Variants in SHTN1 observed in about 807,000 individuals in gnomAD.
SHTN1 encodes the protein shootin-1.
SHTN1 carries 42 observed loss-of-function variants against 83.1 expected under a neutral mutation model. The observed-to-expected ratio is 0.51, with a 90% CI of 0.39 to 0.65. The LOEUF is 0.65. Ranked by LOEUF, SHTN1 falls within the 30% of genes least tolerant of loss-of-function variation. The probability of loss-of-function intolerance (pLI) is 0.00; values close to 1 mark genes in which losing one functional copy is unlikely to be tolerated. For synonymous variants in SHTN1, 224 were observed against 247.7 expected (o/e 0.90, Z 0.90); for missense variants, 622 against 737.8 (o/e 0.84, Z 1.82).
intron 1 of SHTN1, among the ~76,000 whole-genome samples, chr10:117,097,016 C>CACACACATAG (rs1484839164): frequency 1.4e-5 from 2 of 138,370 alleles, no homozygotes; most frequent in African/African-American, 5.4e-5. Flanking sequence ...CGCGCGCGCA[C>CACACACATAG]ACACACACAC....
chr10:116,929,840 T>C lies in SHTN1; in HGVS notation c.1012+9A>G. 6.3e-7 allele frequency: 1 copy of C among 1,589,696 alleles called. No homozygotes were observed. The highest frequency in any genetic ancestry group is 8.6e-7 in the Non-Finnish European group (1 of 1,169,386). On this transcript the variant is annotated intron_variant, in intron 10 of 16. Coordinates refer to ENST00000355371, the MANE Select transcript of SHTN1 (RefSeq NM_001127211.3). ...TAGTAAGACATAGTAGCCTACTCAATGCTTTTACCAGAGTGCTTTAAATTT... is the reference window on the plus strand; with the variant it reads ...TAGTAAGACATAGTAGCCTACTCAACGCTTTTACCAGAGTGCTTTAAATTT...
intron 3 of SHTN1, among the ~76,000 whole-genome samples, chr10:116,964,403 T>C (rs938111396): frequency 1.3e-5 from 2 of 152,224 alleles, no homozygotes; most frequent in African/African-American, 4.8e-5. Flanking sequence ...AAACCATTTC[T>C]AGGTGACTCT....
At position 116,954,144 on chromosome 10, in the gene SHTN1, C is replaced by T; in HGVS notation, c.334G>A (p.Val112Ile). ...TCAATGTTTATCTCTTCAGTTATTACATCTGGTCCCAGCTTGGCCATGTAC... is the reference window on the plus strand; with the variant it reads ...TCAATGTTTATCTCTTCAGTTATTATATCTGGTCCCAGCTTGGCCATGTAC... ...MLYMAKLGPD[V>I]ITEEINIDDE... The change falls in exon 5 of 17, where the codon GTA becomes ATA. Residue 112 changes from valine to isoleucine, a missense_variant. Transcript: ENST00000355371. 6.2e-7 allele frequency: 1 copy of T among 1,613,664 alleles called. No individual in the cohort carries two copies. The highest frequency in any genetic ancestry group is 8.5e-7 in the Non-Finnish European group (1 of 1,179,698).
intron 3 of SHTN1, among the ~76,000 whole-genome samples, chr10:116,962,998 A>C (rs866450571): frequency 5.5e-5 from 8 of 145,408 alleles, no homozygotes; most frequent in Middle Eastern, 3.3e-3. Flanking sequence ...AAATACTTTT[A>C]ATATGTAAAT....
chr10:117,061,390 G>A (rs1852901797), intron 1 of SHTN1, among the ~76,000 whole-genome samples: 2 of 151,982 alleles, frequency 1.3e-5, no homozygotes, highest in Non-Finnish European at 2.9e-5. Flanking sequence ...TAGAGACAGG[G>A]TTTCACTATG....
intron 2 of SHTN1, among the ~76,000 whole-genome samples, chr10:117,017,648 T>C (rs1852199601): frequency 6.6e-6 from 1 of 152,188 alleles, no homozygotes; most frequent in Non-Finnish European, 1.5e-5. Flanking sequence ...TTCCAACTAA[T>C]GTATGTAAAT....
At chr10:117,084,638 C>G (rs911009267) in intron 1 of SHTN1, among the ~76,000 whole-genome samples, 3 of 151,886 alleles carry the variant, frequency 2.0e-5, no homozygotes, top group Non-Finnish European at 4.4e-5. Flanking sequence ...CCCCCAGCCT[C>G]GCTGCCGCCT....
chr10:117,045,597 T>C (rs2133583979), intron 2 of SHTN1, among the ~76,000 whole-genome samples: 1 of 152,364 alleles, frequency 6.6e-6, no homozygotes, highest in East Asian at 1.9e-4. Flanking sequence ...TGTTAGCTTC[T>C]GACACATACA....
chr10:117,081,922 CTCTT>C (rs1333949919), intron 1 of SHTN1, among the ~76,000 whole-genome samples: 2 of 150,508 alleles, frequency 1.3e-5, no homozygotes, highest in South Asian at 2.1e-4. Context: ...TGATTCTTCT[CTCTT>C]TTTTTCTTTA....
chr10:116,987,920 AAAC>A (rs1589872432), intron 1 of SHTN1, among the ~76,000 whole-genome samples: 1 of 151,026 alleles, frequency 6.6e-6, no homozygotes, highest in East Asian at 1.9e-4. Context: ...TCAAAAAAAC[AAAC>A]AAACAAAAAA....
intron 2 of SHTN1, among the ~76,000 whole-genome samples, chr10:117,036,488 A>T (rs1306823402): frequency 6.6e-6 from 1 of 152,214 alleles, no homozygotes; most frequent in Non-Finnish European, 1.5e-5. Flanking sequence ...ATTTGCAACA[A>T]CACTGATGGA....
rs568748731 is a variant in SHTN1 at position 116,978,593 on chromosome 10, A to AAT, written c.111+661_111+662dup. On this transcript the variant is annotated intron_variant, in intron 2 of 16. Coordinates refer to ENST00000355371, the MANE Select transcript of SHTN1 (RefSeq NM_001127211.3). ...TTGTCTCCTCCCTAAATTTACAAGA[A>AAT]ATATATATATATATATTATTAGCTA... 5.9e-3 allele frequency among the ~76,000 whole-genome samples: 881 copies of AAT among 149,514 alleles called. 26 individuals carry two copies. Among genetic ancestry groups the AAT allele is most frequent in the Admixed American group, 0.044 (659 of 14,912 alleles).
chr10:116,983,596 T>C (rs566341999), intron 1 of SHTN1, among the ~76,000 whole-genome samples: 3 of 152,012 alleles, frequency 2.0e-5, no homozygotes, highest in Admixed American at 1.3e-4. Context: ...TGCTTCAAGA[T>C]TGTGATTTAA....
intron 7 of SHTN1, among the ~76,000 whole-genome samples, chr10:116,946,150 G>C (rs1849567233): frequency 6.6e-6 from 1 of 150,800 alleles, no homozygotes; most frequent in Non-Finnish European, 1.5e-5. Flanking sequence ...CAAGTATAAA[G>C]AGATTCCTTT....
At position 117,029,880 on chromosome 10, in the gene SHTN1, GTCTC is replaced by G. The variant is rs199787591; in HGVS notation, c.-123+18561_-123+18564del. Among the ~76,000 whole-genome samples the G allele has an allele frequency of 7.8e-3, 1,055 of 135,512 alleles. 35 individuals carry two copies. In the East Asian group the frequency reaches 0.092, roughly 12 times the overall value. The allele number at this position is 135,512 out of a possible 152,430, so 88.9% of individuals were successfully genotyped here. A position where few individuals can be genotyped will look rare whatever the true frequency, so the allele number is the denominator to read the frequency against. On this transcript the variant is annotated intron_variant, in intron 2 of 17. Transcript: ENST00000392901. Reference sequence around the variant, plus strand: ...TCTCTCCCTCCCTCCCTCTCTCTCTGTCTCTCTCTCTTTCTTTTTTTTTTTTTTT... The same window carrying G: ...TCTCTCCCTCCCTCCCTCTCTCTCTGTCTCTCTTTCTTTTTTTTTTTTTTT...
At chr10:117,103,083 T>C (rs956926311) in intron 1 of SHTN1, among the ~76,000 whole-genome samples, 1 of 152,132 alleles carries the variant, frequency 6.6e-6, no homozygotes, top group African/African-American at 2.4e-5. Context: ...TGTTTTGTTT[T>C]TGTTGTTGTT....
intron 2 of SHTN1, among the ~76,000 whole-genome samples, chr10:117,043,617 G>A (rs1254415600): frequency 1.3e-5 from 2 of 152,092 alleles, no homozygotes; most frequent in African/African-American, 4.8e-5. Context: ...GAGGCAGGAA[G>A]ACTGCTTGAG....
Position 116,927,874 on chromosome 10 carries a change from G to T in SHTN1, c.1030C>A (p.Arg344=), listed in dbSNP as rs1250940101. ...ACTGAATTCTCAGACTGGTTCACTCGTTTCTGGAGTTCATCAACTGCACAG... is the reference window on the plus strand; with the variant it reads ...ACTGAATTCTCAGACTGGTTCACTCTTTTCTGGAGTTCATCAACTGCACAG... The part of the protein sequence containing the change: ...LKHSVDELQK[R]VNQSENSVPP... Residue 344 remains arginine, a synonymous_variant, in exon 11 of 17, where the codon CGA becomes AGA. Coordinates refer to ENST00000355371, the MANE Select transcript of SHTN1 (RefSeq NM_001127211.3). The T allele has an allele frequency of 6.2e-7, 1 of 1,612,118 alleles. No individual in the cohort carries two copies. Among genetic ancestry groups the T allele is most frequent in the East Asian group, 2.2e-5 (1 of 44,640 alleles).
chr10:117,020,993 C>A (rs891414658), intron 2 of SHTN1, among the ~76,000 whole-genome samples: 2 of 151,744 alleles, frequency 1.3e-5, no homozygotes, highest in Admixed American at 1.3e-4. Context: ...TAAAAATGAG[C>A]AAAAGGTTCA....
Sources: allele counts gnomAD v4.1 joint callset (sites outside exome capture counted in the v4.1 genomes callset), GRCh38; gene constraint gnomAD v4.1.1; transcripts MANE v1.5; gene names NCBI Gene and HGNC (gene_info 2026-07-23, HGNC 2026-07-21).